Variants in MECOM observed in about 807,000 individuals in gnomAD.
MECOM encodes histone-lysine N-methyltransferase MECOM.
MECOM carries 13 observed loss-of-function variants against 116.3 expected under a neutral mutation model. The ratio of observed to expected loss-of-function variants is 0.11; its 90% CI spans 0.07 to 0.18. MECOM has a LOEUF of 0.18. Ranked by LOEUF, MECOM falls within the 10% of genes least tolerant of loss-of-function variation. The pLI, the probability that MECOM is intolerant of heterozygous loss-of-function variation, is 1.00. For synonymous variants in MECOM, 528 were observed against 535.2 expected, an observed-to-expected ratio of 0.99 and a Z score of 0.19; for missense variants, 1,299 against 1,509.0, an observed-to-expected ratio of 0.86 and a Z score of 2.31.
At chr3:169,398,300 T>A (rs368436066) in intron 1 of MECOM, among the ~76,000 whole-genome samples, 2 of 152,166 alleles carry the variant, frequency 1.3e-5, no homozygotes, top group East Asian at 3.8e-4. Flanking sequence ...TTGCCACTCA[T>A]TTATACACAT....
intron 1 of MECOM, among the ~76,000 whole-genome samples, chr3:169,409,692 A>G (rs1423545095): frequency 2.0e-5 from 3 of 152,220 alleles, no homozygotes; most frequent in Non-Finnish European, 4.4e-5. Flanking sequence ...TGAAACCCTC[A>G]TAACTGTACT....
At chr3:169,347,406 T>C (rs1421237453) in intron 2 of MECOM, among the ~76,000 whole-genome samples, 1 of 152,042 alleles carries the variant, frequency 6.6e-6, no homozygotes, top group Non-Finnish European at 1.5e-5. Flanking sequence ...ATACACACAA[T>C]GTCTGTGTGT....
intron 2 of MECOM, among the ~76,000 whole-genome samples, chr3:169,281,032 A>C (rs921465293): frequency 6.6e-6 from 1 of 152,244 alleles, no homozygotes; most frequent in African/African-American, 2.4e-5. Context: ...TGTCCTAAAC[A>C]CATTGCACAA....
At chr3:169,273,052 T>C (rs1280523566) in intron 2 of MECOM, among the ~76,000 whole-genome samples, 1 of 151,956 alleles carries the variant, frequency 6.6e-6, no homozygotes, top group African/African-American at 2.4e-5. Flanking sequence ...GAAAAACAGG[T>C]AGTCAGCTAC....
chr3:169,655,056 A>C (rs1775374095), intron 1 of MECOM, among the ~76,000 whole-genome samples: 1 of 152,164 alleles, frequency 6.6e-6, no homozygotes, highest in Non-Finnish European at 1.5e-5. Flanking sequence ...TTCATAAAGT[A>C]GAGAAAACTT....
chr3:169,466,845 A>T (rs1009712874), intron 1 of MECOM, among the ~76,000 whole-genome samples: 1 of 152,224 alleles, frequency 6.6e-6, no homozygotes, highest in Non-Finnish European at 1.5e-5. Context: ...AATCCTAATT[A>T]TTCAATTAGC....
At chr3:169,645,804 A>C (rs1378977360) in intron 1 of MECOM, among the ~76,000 whole-genome samples, 1 of 152,206 alleles carries the variant, frequency 6.6e-6, no homozygotes, top group Non-Finnish European at 1.5e-5. Flanking sequence ...TAGCCCTGCT[A>C]TCTCCCTATT....
At chr3:169,513,982 A>G (rs1298188665) in intron 1 of MECOM, among the ~76,000 whole-genome samples, 2 of 152,220 alleles carry the variant, frequency 1.3e-5, no homozygotes, top group Non-Finnish European at 2.9e-5. Context: ...GGATTACATC[A>G]GTGGCTAGTG....
At chr3:169,247,882 CT>C (rs1755785164) in intron 2 of MECOM, among the ~76,000 whole-genome samples, 1 of 152,098 alleles carries the variant, frequency 6.6e-6, no homozygotes, top group South Asian at 2.1e-4. Flanking sequence ...CTCTAAATTA[CT>C]TTGTTAAAAA....
At chr3:169,382,865 T>A (rs28408005) in intron 1 of MECOM, among the ~76,000 whole-genome samples, 8,092 of 42,956 alleles carry the variant, frequency 0.19, 897 homozygotes, top group East Asian at 0.45. Context: ...AAAAAAAAAA[T>A]AAAAAAAATA....
intron 6 of MECOM, among the ~76,000 whole-genome samples, chr3:169,121,848 G>T (rs945149510): frequency 6.6e-6 from 1 of 151,454 alleles, no homozygotes; most frequent in Non-Finnish European, 1.5e-5. Flanking sequence ...AATCACAGGA[G>T]AATGACTACC....
rs775492251 is a variant in MECOM at position 169,663,365 on chromosome 3, G to A, written c.8C>T (p.Ser3Phe). The change falls in exon 1 of 17, where the codon TCC becomes TTC. Residue 3 changes from serine (S) to phenylalanine (F), a missense_variant. Around this residue, in one of 6 missense-constraint regions of MECOM, gnomAD observed 374 missense variants for 433.4 expected, o/e 0.86. Coordinates refer to ENST00000651503, the MANE Select transcript of MECOM (RefSeq NM_004991.4). ...GGCCAGTTTCCTTGCCCTGCCTTTG[G>A]ATCTCATGCTGTGCCCAGTCCTGCA... MRSKGRARKLATN... is the reference protein window; with the variant it reads MRFKGRARKLATN... 3.1e-6 allele frequency: 5 copies of A among 1,610,678 alleles called. No homozygotes were observed. In the South Asian group the frequency reaches 4.4e-5, roughly 14 times the overall value.
chr3:169,450,177 C>A (rs16853761), intron 1 of MECOM, among the ~76,000 whole-genome samples: 18,399 of 152,114 alleles, frequency 0.12, 1,411 homozygotes, highest in East Asian at 0.3. Flanking sequence ...TATGCCAGAA[C>A]AAATATTATT....
chr3:169,236,315 C>T (rs542714564), intron 2 of MECOM, among the ~76,000 whole-genome samples: 1 of 152,192 alleles, frequency 6.6e-6, no homozygotes, highest in African/African-American at 2.4e-5. Flanking sequence ...AGGATGCCCC[C>T]ACCATGATAT....
rs1397337683 is a variant in MECOM at position 169,472,592 on chromosome 3, G to A, written c.38-91068C>T. 1.6e-3 allele frequency among the ~76,000 whole-genome samples: 97 copies of A among 60,310 alleles called. 2 individuals are homozygous for A. The highest frequency in any genetic ancestry group is 2.1e-3 in the Admixed American group (10 of 4,872). 39.6% of individuals were successfully genotyped at this position (60,310 alleles called of 152,430 possible). On this transcript the variant is annotated intron_variant, in intron 1 of 16. Coordinates refer to ENST00000651503, the MANE Select transcript of MECOM (RefSeq NM_004991.4). ...GGAGAGGAGAGGAGAGGAAAGGAAAGGAAAGGAAAGGAAAGGAAAGGAAAG... is the reference window on the plus strand; with the variant it reads ...GGAGAGGAGAGGAGAGGAAAGGAAAAGAAAGGAAAGGAAAGGAAAGGAAAG...
intron 1 of MECOM, among the ~76,000 whole-genome samples, chr3:169,634,840 G>A (rs545934030): frequency 1.9e-4 from 29 of 152,170 alleles, no homozygotes; most frequent in African/African-American, 7.0e-4. Context: ...ACAACCCACT[G>A]TTCAAACCTG....
intron 2 of MECOM, among the ~76,000 whole-genome samples, chr3:169,243,589 T>C (rs972209114): frequency 6.6e-6 from 1 of 152,102 alleles, no homozygotes; most frequent in African/African-American, 2.4e-5. Context: ...TTTTCCCCCG[T>C]CTGATTGAAT....
intron 2 of MECOM, among the ~76,000 whole-genome samples, chr3:169,150,416 G>T (rs1385785035): frequency 3.9e-5 from 6 of 152,232 alleles, no homozygotes; most frequent in Non-Finnish European, 7.3e-5. Flanking sequence ...GTAGTTCCCA[G>T]TTACAAATTA....
chr3:169,145,561 G>A, intron 2 of MECOM: 1 of 226,184 alleles, frequency 4.4e-6, no homozygotes. Context: ...AAAAAGAAAA[G>A]GCAGTTCTCC....
Sources: allele counts gnomAD v4.1 joint callset (sites outside exome capture counted in the v4.1 genomes callset), GRCh38; gene constraint gnomAD v4.1.1; regional missense constraint gnomAD v4.1.1; transcripts MANE v1.5; gene names NCBI Gene and HGNC (gene_info 2026-07-23, HGNC 2026-07-21).